The following ROBO1 variants were observed in gnomAD, a reference collection of about 807,000 sequenced individuals.
The protein encoded by ROBO1 is roundabout homolog 1.
A neutral mutation model predicts 195.9 loss-of-function variants in ROBO1; 149 were observed. The observed-to-expected ratio is 0.76, with a 90% CI of 0.67 to 0.87. ROBO1 has a LOEUF of 0.87. Among genes scored for constraint, ROBO1 ranks in the 40% least tolerant of loss-of-function variants. ROBO1 has a pLI of 0.00. For missense variants in ROBO1, 1,933 were observed against 2,068.3 expected (o/e 0.93, Z 1.27); for synonymous variants, 816 against 733.2 (o/e 1.11, Z -1.82).
chr3:79,446,769 A>C (rs116127073), intron 2 of ROBO1, among the ~76,000 whole-genome samples: 5,228 of 152,272 alleles, frequency 0.034, 206 homozygotes, highest in African/African-American at 0.098. Flanking sequence ...CTTAAGAATA[A>C]AAATCCAACA....
At chr3:78,636,157 C>T in intron 22 of ROBO1, 49 bp from the exon 23 acceptor site, 1 of 1,359,026 alleles carries the variant, frequency 7.4e-7, no homozygotes, top group African/African-American at 1.5e-5. Flanking sequence ...CGTGGTTATT[C>T]CTTTTAAATT....
chr3:78,655,493 G>A (rs567400714), intron 18 of ROBO1, among the ~76,000 whole-genome samples: 4 of 152,240 alleles, frequency 2.6e-5, no homozygotes, highest in South Asian at 2.1e-4. Flanking sequence ...TAACCCATCC[G>A]CCTATGATCC....
At chr3:79,729,057 G>A (rs193129273) in intron 1 of ROBO1, among the ~76,000 whole-genome samples, 26 of 152,034 alleles carry the variant, frequency 1.7e-4, no homozygotes, top group East Asian at 5.8e-4. Context: ...CATTGTTTCC[G>A]TAGCACATTT....
chr3:78,670,002 C>G, intron 11 of ROBO1, 94 bp downstream of exon 11: 1 of 883,328 alleles, frequency 1.1e-6, no homozygotes, highest in Non-Finnish European at 1.7e-6. Flanking sequence ...TTTAACACTT[C>G]ATTAATTGCA....
chr3:79,661,867 C>A (rs1946339216), intron 1 of ROBO1, among the ~76,000 whole-genome samples: 1 of 152,000 alleles, frequency 6.6e-6, no homozygotes, highest in Admixed American at 6.6e-5. Context: ...ATACTCCAGT[C>A]AAGAGACAAT....
At chr3:79,101,919 C>CA (rs1275952371) in intron 3 of ROBO1, among the ~76,000 whole-genome samples, 1 of 151,818 alleles carries the variant, frequency 6.6e-6, no homozygotes, top group African/African-American at 2.4e-5. Flanking sequence ...AAACAAGTTT[C>CA]ATGTGAACCA....
intron 2 of ROBO1, among the ~76,000 whole-genome samples, chr3:79,159,152 G>T (rs1034555024): frequency 1.3e-5 from 2 of 151,898 alleles, no homozygotes; most frequent in African/African-American, 4.8e-5. Context: ...AAGAGCTAAC[G>T]CATCTTAGCT....
chr3:78,989,095 AAAGT>A (rs1259594267), intron 3 of ROBO1, among the ~76,000 whole-genome samples: 2 of 152,174 alleles, frequency 1.3e-5, no homozygotes, highest in Admixed American at 6.6e-5. Context: ...ATACCACTGT[AAAGT>A]AAGTTCTAGT....
intron 2 of ROBO1, among the ~76,000 whole-genome samples, chr3:79,270,059 G>T (rs1411025786): frequency 6.6e-6 from 1 of 151,694 alleles, no homozygotes. Flanking sequence ...GATAACATAT[G>T]GTAGCTCAGT....
At chr3:78,834,010 T>G (rs1360991613) in intron 4 of ROBO1, among the ~76,000 whole-genome samples, 1 of 151,992 alleles carries the variant, frequency 6.6e-6, no homozygotes, top group African/African-American at 2.4e-5. Flanking sequence ...GAGAATAAAA[T>G]CTCACAGAAT....
At chr3:79,201,230 A>C (rs2081757744) in intron 2 of ROBO1, among the ~76,000 whole-genome samples, 1 of 151,972 alleles carries the variant, frequency 6.6e-6, no homozygotes, top group Non-Finnish European at 1.5e-5. Context: ...CTACTGTTTA[A>C]AACCTCAGTG....
At chr3:78,675,318 G>A (rs555224550) in intron 10 of ROBO1, among the ~76,000 whole-genome samples, 39 of 152,092 alleles carry the variant, frequency 2.6e-4, no homozygotes, top group Non-Finnish European at 4.6e-4. Flanking sequence ...AGAGGGCGCC[G>A]GTCAGTGGGT....
chr3:78,948,327 G>C (rs1428877474), intron 3 of ROBO1, among the ~76,000 whole-genome samples: 1 of 152,090 alleles, frequency 6.6e-6, no homozygotes, highest in African/African-American at 2.4e-5. Context: ...TGATCAAGTG[G>C]GCTTCATCCC....
rs559635037 is a variant in ROBO1 at position 79,589,305 on chromosome 3, T to C, written c.88+519A>G. On this transcript the variant is annotated intron_variant, in intron 2 of 30. Transcript: ENST00000464233. Reference sequence around the variant, plus strand: ...TAATGAAATTATGACTTCAAGGAAATAGGTTTCTAACTTCACCCAAAACAG... The same window carrying C: ...TAATGAAATTATGACTTCAAGGAAACAGGTTTCTAACTTCACCCAAAACAG... 6.6e-5 allele frequency among the ~76,000 whole-genome samples: 10 copies of C among 151,796 alleles called. 1 individual carries two copies. In the East Asian group the frequency reaches 1.9e-3, roughly 29 times the overall value.
intron 2 of ROBO1, among the ~76,000 whole-genome samples, chr3:79,527,275 T>G (rs928347799): frequency 6.6e-6 from 1 of 152,112 alleles, no homozygotes; most frequent in African/African-American, 2.4e-5. Flanking sequence ...CACTAATAAT[T>G]AAAAAGAAAA....
chr3:79,319,821 T>C (rs2033898347), intron 2 of ROBO1, among the ~76,000 whole-genome samples: 1 of 152,182 alleles, frequency 6.6e-6, no homozygotes, highest in Non-Finnish European at 1.5e-5. Context: ...GGTACTTGAA[T>C]AAAGAGTTTA....
In ROBO1 at chr3:78,886,682, AATT is replaced by A. The variant is rs1206988698; in HGVS notation, c.499+51916_499+51918del. Among the ~76,000 whole-genome samples the A allele has an allele frequency of 1.6e-4, 25 of 152,136 alleles. 1 individual carries two copies. The highest frequency in any genetic ancestry group is 4.1e-4 in the South Asian group (2 of 4,832). On this transcript the variant is annotated intron_variant, in intron 4 of 30. Coordinates refer to ENST00000464233, the MANE Select transcript of ROBO1 (RefSeq NM_002941.4). Reference sequence around the variant, plus strand: ...CCTTTCAAAAAGCGTTCAGTCAATAAATTATTATTACATATACCCATATTTATG... The same window carrying A: ...CCTTTCAAAAAGCGTTCAGTCAATAAATTATTACATATACCCATATTTATG...
At chr3:79,443,703 C>A (rs1414319781) in intron 2 of ROBO1, among the ~76,000 whole-genome samples, 1 of 151,958 alleles carries the variant, frequency 6.6e-6, no homozygotes, top group Non-Finnish European at 1.5e-5. Flanking sequence ...TCCACATGGA[C>A]AAAGGGATAA....
chr3:79,165,480 A>C (rs1342006830), intron 2 of ROBO1, among the ~76,000 whole-genome samples: 2 of 152,204 alleles, frequency 1.3e-5, no homozygotes, highest in Non-Finnish European at 2.9e-5. Flanking sequence ...TGTCAGAAGG[A>C]GATTGTCTAC....
Sources: gnomAD v4.1 joint callset for allele counts (sites outside exome capture counted in the v4.1 genomes callset) on GRCh38, gnomAD v4.1.1 for gene constraint, MANE v1.5 for transcripts, NCBI Gene and HGNC (gene_info 2026-07-23, HGNC 2026-07-21) for gene names.